GRIN2A: variants seen among roughly 807,000 people sequenced by gnomAD.
The protein encoded by GRIN2A is glutamate receptor ionotropic, NMDA 2A.
In GRIN2A, 22 loss-of-function variants were observed where a neutral mutation model predicts 113.4. That is an observed-to-expected ratio of 0.19 (90% CI 0.14 to 0.28). GRIN2A has a LOEUF of 0.28. GRIN2A is among the 10% of genes least tolerant of loss of function. The pLI is 1.00. For synonymous variants in GRIN2A, 827 were observed against 738.4 expected (o/e 1.12, Z -1.94); for missense variants, 1,502 against 1,887.0 (o/e 0.80, Z 3.78).
chr16:10,172,765 G>A (rs1293681602), intron 2 of GRIN2A, among the ~76,000 whole-genome samples: 2 of 152,308 alleles, frequency 1.3e-5, no homozygotes, highest in Non-Finnish European at 2.9e-5. Context: ...TTAAAATGTT[G>A]GCAAAGAATT....
chr16:9,987,751 T>C (rs996010456), intron 2 of GRIN2A, among the ~76,000 whole-genome samples: 1 of 152,202 alleles, frequency 6.6e-6, no homozygotes, highest in African/African-American at 2.4e-5. Flanking sequence ...TAAATAGTTT[T>C]AGGAGGATCT....
chr16:10,016,330 C>T (rs1245900164), intron 2 of GRIN2A, among the ~76,000 whole-genome samples: 1 of 152,088 alleles, frequency 6.6e-6, no homozygotes, highest in Non-Finnish European at 1.5e-5. Context: ...TCATCTGTCA[C>T]CCCATCCAAC....
At chr16:9,856,104 T>A (rs2042962526) in intron 4 of GRIN2A, among the ~76,000 whole-genome samples, 1 of 152,166 alleles carries the variant, frequency 6.6e-6, no homozygotes, top group Non-Finnish European at 1.5e-5. Flanking sequence ...ATTATATGAC[T>A]CAATCCTCAA....
intron 10 of GRIN2A, among the ~76,000 whole-genome samples, chr16:9,817,748 A>G (rs776304493): frequency 2.0e-5 from 3 of 152,216 alleles, no homozygotes; most frequent in Non-Finnish European, 4.4e-5. Flanking sequence ...GGACTCTCCC[A>G]GAAAATTACA....
At chr16:10,003,378 G>C (rs2046354616) in intron 2 of GRIN2A, among the ~76,000 whole-genome samples, 1 of 152,174 alleles carries the variant, frequency 6.6e-6, no homozygotes, top group Non-Finnish European at 1.5e-5. Flanking sequence ...AAAAGGAAAA[G>C]ACATCAAGAT....
chr16:10,071,592 G>C (rs115017388), intron 2 of GRIN2A, among the ~76,000 whole-genome samples: 1 of 152,338 alleles, frequency 6.6e-6, no homozygotes, highest in African/African-American at 2.4e-5. Flanking sequence ...AAAGGGATTG[G>C]AGTGGAGTTT....
intron 11 of GRIN2A, among the ~76,000 whole-genome samples, chr16:9,771,332 G>A (rs115656512): frequency 0.034 from 5,106 of 150,560 alleles, 193 homozygotes; most frequent in African/African-American, 0.093. Context: ...TCCAATAGAT[G>A]TATTTTCCCG....
intron 2 of GRIN2A, among the ~76,000 whole-genome samples, chr16:10,154,163 C>T (rs952903406): frequency 2.6e-5 from 4 of 152,158 alleles, no homozygotes; most frequent in Non-Finnish European, 4.4e-5. Context: ...TCACCACATC[C>T]CCCTCCCCAC....
chr16:9,868,401 G>A (rs1314650416), intron 4 of GRIN2A, among the ~76,000 whole-genome samples: 3 of 152,080 alleles, frequency 2.0e-5, no homozygotes, highest in Non-Finnish European at 4.4e-5. Context: ...CAAGTAGCTG[G>A]GATTACAAGT....
chr16:9,850,729 G>T (rs1046813623), intron 4 of GRIN2A, among the ~76,000 whole-genome samples: 1 of 152,150 alleles, frequency 6.6e-6, no homozygotes. Flanking sequence ...CCTGCACAGA[G>T]GGGAGACTGT....
At chr16:10,105,323 CTG>C (rs982402013) in intron 2 of GRIN2A, among the ~76,000 whole-genome samples, 1 of 152,190 alleles carries the variant, frequency 6.6e-6, no homozygotes, top group Non-Finnish European at 1.5e-5. Context: ...ACAGTTTGCA[CTG>C]TGTCTTTCTG....
chr16:10,008,240 T>C (rs2046440030), intron 2 of GRIN2A, among the ~76,000 whole-genome samples: 1 of 152,170 alleles, frequency 6.6e-6, no homozygotes, highest in African/African-American at 2.4e-5. Context: ...GGATATCCCA[T>C]GGCTATGCAA....
chr16:10,106,592 T>C (rs1342977653), intron 2 of GRIN2A, among the ~76,000 whole-genome samples: 1 of 152,074 alleles, frequency 6.6e-6, no homozygotes, highest in East Asian at 1.9e-4. Flanking sequence ...GAATCCCTGG[T>C]ACCTGGAAGT....
intron 2 of GRIN2A, among the ~76,000 whole-genome samples, chr16:10,146,658 C>T (rs914683248): frequency 6.6e-6 from 1 of 152,066 alleles, no homozygotes. Context: ...TGAAAGCCCA[C>T]TCATCTTTGA....
At chr16:10,152,624 A>T (rs6497732) in intron 2 of GRIN2A, among the ~76,000 whole-genome samples, 92,592 of 151,920 alleles carry the variant, frequency 0.61, 28,645 homozygotes, top group East Asian at 0.92. Flanking sequence ...ATTGCCTTTA[A>T]TGATAAACCC....
chr16:9,926,474 A>G (rs771485292), intron 3 of GRIN2A, among the ~76,000 whole-genome samples: 26 of 152,204 alleles, frequency 1.7e-4, no homozygotes, highest in Admixed American at 3.9e-4. Flanking sequence ...AGCATATAGG[A>G]TAAGAGAGAC....
At chr16:10,105,631 G>C (rs2048484316) in intron 2 of GRIN2A, among the ~76,000 whole-genome samples, 1 of 152,192 alleles carries the variant, frequency 6.6e-6, no homozygotes, top group Admixed American at 6.5e-5. Context: ...GCTGGGCATG[G>C]TGGTTCATGC....
At chr16:10,030,055 T>C (rs1389483976) in intron 2 of GRIN2A, among the ~76,000 whole-genome samples, 2 of 152,112 alleles carry the variant, frequency 1.3e-5, no homozygotes, top group Non-Finnish European at 2.9e-5. Flanking sequence ...CAATGGAGGC[T>C]GCAGCATCTT....
chr16:10,176,443 G>A (rs923834928), intron 2 of GRIN2A, among the ~76,000 whole-genome samples: 20 of 152,096 alleles, frequency 1.3e-4, no homozygotes, highest in Non-Finnish European at 1.0e-4. Context: ...ATAAGGCTTT[G>A]TTATTTTCTT....
Sources: gnomAD v4.1 joint callset for allele counts (sites outside exome capture counted in the v4.1 genomes callset) on GRCh38, gnomAD v4.1.1 for gene constraint, MANE v1.5 for transcripts, NCBI Gene and HGNC (gene_info 2026-07-23, HGNC 2026-07-21) for gene names.